Variants in BTBD9 observed in about 807,000 individuals in gnomAD.
BTBD9 encodes the protein BTB domain containing 9, also known as BTB/POZ domain-containing protein 9.
In BTBD9, 49 loss-of-function variants were observed where a neutral mutation model predicts 64.3. The observed-to-expected ratio is 0.76, with a 90% CI of 0.61 to 0.97. The LOEUF is 0.97. BTBD9 is among the 50% of genes least tolerant of loss of function. The pLI, the probability that BTBD9 is intolerant of heterozygous loss-of-function variation, is 0.00. For synonymous variants in BTBD9, 260 were observed against 274.7 expected (o/e 0.95, Z 0.53); for missense variants, 598 against 762.1 (o/e 0.78, Z 2.53).
chr6:38,363,622 C>A (rs574733995), intron 6 of BTBD9, among the ~76,000 whole-genome samples: 1 of 152,132 alleles, frequency 6.6e-6, no homozygotes, highest in Non-Finnish European at 1.5e-5. Flanking sequence ...ATGTAATACA[C>A]TCCAATTCTA....
rs559174586 is a variant in BTBD9 at position 38,541,631 on chromosome 6, G to A, written c.1154+35969C>T. Among the ~76,000 whole-genome samples the A allele has an allele frequency of 2.0e-4, 31 of 152,238 alleles. 1 individual carries two copies. The South Asian group carries it at 5.6e-3, about 27-fold the overall frequency. On this transcript the variant is annotated intron_variant, in intron 6 of 10. Transcript: ENST00000481247. ...CACGTGCCTGTAGTCCCAGGTAGTC[G>A]GGAGGCTGAGGCAGGAGAATCACTT...
chr6:38,211,256 C>T lies in BTBD9; in HGVS notation c.1563-18659G>A, dbSNP rs549608117. Among the ~76,000 whole-genome samples the T allele has an allele frequency of 1.4e-4, 21 of 152,066 alleles. No individual in the cohort carries two copies. In the South Asian group the frequency reaches 2.9e-3, roughly 21 times the overall value. On this transcript the variant is annotated intron_variant, in intron 9 of 10. Coordinates refer to ENST00000481247, the MANE Select transcript of BTBD9 (RefSeq NM_001099272.2). The stretch of plus-strand genomic sequence containing the variant: ...CATCCTGGCTAACACGGTGAAACCC[C>T]GTCTCTTCTAAAAATACAAAAAATT...
intron 10 of BTBD9, chr6:38,179,900 C>T (rs550820852): frequency 4.4e-4 from 197 of 445,198 alleles, no homozygotes; most frequent in African/African-American, 3.6e-3. Flanking sequence ...AGGGGAGCTG[C>T]TTTCCAGGCA....
rs1024307348 is a variant in BTBD9 at position 38,413,291 on chromosome 6, G to T, written c.1155-68198C>A. On this transcript the variant is annotated intron_variant, in intron 6 of 10. Transcript: ENST00000481247. ...ATGCGAGCTGGATGAGGACAGACTG[G>T]AGAACATATGCTTATACTCACTGCA... Among the ~76,000 whole-genome samples, 4 of 152,328 alleles carry T rather than the reference G, an allele frequency of 2.6e-5. No homozygotes were observed. In the East Asian group the frequency reaches 7.7e-4, roughly 29 times the overall value.
chr6:38,342,906 T>A (rs887286728), intron 7 of BTBD9, among the ~76,000 whole-genome samples: 3 of 151,966 alleles, frequency 2.0e-5, no homozygotes, highest in East Asian at 3.9e-4. Flanking sequence ...GATAACGAAA[T>A]CCCCCTGAAC....
chr6:38,203,604 G>C (rs187696395), intron 9 of BTBD9, among the ~76,000 whole-genome samples: 1 of 152,088 alleles, frequency 6.6e-6, no homozygotes, highest in Non-Finnish European at 1.5e-5. Context: ...GCAGCAACAC[G>C]GATGAAACTG....
At chr6:38,294,356 G>A (rs932632534) in intron 7 of BTBD9, among the ~76,000 whole-genome samples, 2 of 152,156 alleles carry the variant, frequency 1.3e-5, no homozygotes, top group East Asian at 1.9e-4. Flanking sequence ...CTGCTATAAA[G>A]AGACATGCAC....
intron 1 of BTBD9, among the ~76,000 whole-genome samples, chr6:38,611,096 C>T (rs1777603721): frequency 2.0e-5 from 3 of 151,924 alleles, no homozygotes; most frequent in African/African-American, 7.3e-5. Flanking sequence ...TTTAAATATA[C>T]GGAATACATG....
rs1766895643 is a variant in BTBD9 at position 38,173,991 on chromosome 6, GTCCCAGT to G, written c.*987_*993del. The G allele has an allele frequency of 6.6e-6, 1 of 152,256 alleles. No homozygotes were observed. The highest frequency in any genetic ancestry group is 2.4e-5 in the African/African-American group (1 of 41,454). The allele number at this position is 152,256 out of a possible 1,614,324, so 9.4% of individuals were successfully genotyped here. On this transcript the variant is annotated 3_prime_UTR_variant, in exon 11 of 11. Transcript: ENST00000481247. ...TACTGTGGTGTGGGGGAAGCACGGA[GTCCCAGT>G]TCTGCGTTCCTGACGCTGATGGGCA...
chr6:38,510,945 A>G (rs924534434), intron 6 of BTBD9, among the ~76,000 whole-genome samples: 4 of 152,196 alleles, frequency 2.6e-5, no homozygotes, highest in South Asian at 2.1e-4. Context: ...TTTCATAAGT[A>G]GAAGGTATAT....
At chr6:38,179,724 G>A (rs1320937071) in intron 10 of BTBD9, 8 of 456,778 alleles carry the variant, frequency 1.8e-5, no homozygotes, top group Admixed American at 1.6e-4. Flanking sequence ...CTGTTCCACT[G>A]TATCAACATA....
chr6:38,610,962 A>G (rs1777600063), intron 1 of BTBD9, among the ~76,000 whole-genome samples: 1 of 152,056 alleles, frequency 6.6e-6, no homozygotes, highest in African/African-American at 2.4e-5. Flanking sequence ...TGGAAAATAT[A>G]TTACAGTGCA....
At chr6:38,394,867 T>G (rs78794428) in intron 6 of BTBD9, among the ~76,000 whole-genome samples, 58 of 152,204 alleles carry the variant, frequency 3.8e-4, no homozygotes, top group Admixed American at 1.5e-3. Context: ...ATTCATAACT[T>G]CAGATGACTA....
At chr6:38,588,457 C>T in intron 4 of BTBD9, 1 of 828,224 alleles carries the variant, frequency 1.2e-6, no homozygotes, top group Non-Finnish European at 2.0e-6. Context: ...GACCCCTCCT[C>T]CAACTGGGCC....
chr6:38,402,726 A>G, intron 6 of BTBD9: 1 of 679,424 alleles, frequency 1.5e-6, no homozygotes, highest in Non-Finnish European at 2.6e-6. Flanking sequence ...AAGAAAATAG[A>G]GGTGTATGTT....
At chr6:38,526,813 A>G (rs1234656506) in intron 6 of BTBD9, among the ~76,000 whole-genome samples, 2 of 152,142 alleles carry the variant, frequency 1.3e-5, no homozygotes, top group Admixed American at 6.5e-5. Context: ...CTGTATCCCC[A>G]TTGTATCTAG....
chr6:38,261,522 A>G (rs908185069), intron 8 of BTBD9, among the ~76,000 whole-genome samples: 14 of 152,188 alleles, frequency 9.2e-5, no homozygotes, highest in African/African-American at 3.4e-4. Context: ...ATTAATCTGC[A>G]ATTTTTAACT....
chr6:38,358,647 T>C (rs1241055791), intron 6 of BTBD9, among the ~76,000 whole-genome samples: 1 of 152,186 alleles, frequency 6.6e-6, no homozygotes, highest in Admixed American at 6.5e-5. Flanking sequence ...TCCATTTTAC[T>C]GCTTACTCCA....
chr6:38,440,282 G>T (rs776227133), intron 6 of BTBD9, among the ~76,000 whole-genome samples: 2 of 152,226 alleles, frequency 1.3e-5, no homozygotes, highest in African/African-American at 4.8e-5. Context: ...AGGAGGAACC[G>T]GCAAAACGCA....
Sources: allele counts gnomAD v4.1 joint callset (sites outside exome capture counted in the v4.1 genomes callset), GRCh38; gene constraint gnomAD v4.1.1; transcripts MANE v1.5; gene names NCBI Gene and HGNC (gene_info 2026-07-23, HGNC 2026-07-21).